The following RASA1 variants were observed in gnomAD, a reference collection of about 807,000 sequenced individuals.
RASA1 encodes the protein ras GTPase-activating protein 1.
Under a neutral mutation model 132.2 loss-of-function variants are expected in RASA1, and 25 were observed. That is an observed-to-expected ratio of 0.19 (90% CI 0.14 to 0.26). The LOEUF is 0.26. Among genes scored for constraint, RASA1 ranks in the 10% least tolerant of loss-of-function variants. The pLI is 1.00. For missense variants in RASA1, 964 were observed against 1,299.2 expected (o/e 0.74, Z 3.97); for synonymous variants, 477 against 449.9 (o/e 1.06, Z -0.76).
chr5:87,340,632 A>G (rs1445913884), intron 5 of RASA1, among the ~76,000 whole-genome samples: 1 of 152,126 alleles, frequency 6.6e-6, no homozygotes, highest in African/African-American at 2.4e-5. Flanking sequence ...ACATAGTAAA[A>G]GGGGGATGTC....
chr5:87,270,121 A>C (rs554363697), intron 1 of RASA1, among the ~76,000 whole-genome samples: 4 of 151,376 alleles, frequency 2.6e-5, no homozygotes, highest in Non-Finnish European at 2.9e-5. Context: ...ACGCGCCTAT[A>C]ATCCTAGCTA....
In RASA1 at chr5:87,389,410, G is replaced by A. The variant is rs761753589; in HGVS notation, c.2943G>A (p.Pro981=). The change falls in exon 24 of 25, where the codon CCG becomes CCA. Residue 981 remains proline, a synonymous_variant. Transcript: ENST00000274376. ...CCTTAAAGAATGTACCTGAACTTCC[G>A]GACACTACAGAGCATTCTAGAACGG... ...LDELGNVPEL[P]DTTEHSRTDL... 8 of 1,614,006 alleles carry A rather than the reference G, an allele frequency of 5.0e-6. No homozygotes were observed. Among genetic ancestry groups the A allele is most frequent in the Admixed American group, 3.3e-5 (2 of 60,008 alleles).
chr5:87,278,150 G>A lies in RASA1; in HGVS notation c.539+9160G>A, dbSNP rs1198585756. 4.6e-5 allele frequency among the ~76,000 whole-genome samples: 7 copies of A among 152,134 alleles called. No individual in the cohort carries two copies. In the South Asian group the frequency reaches 6.2e-4, roughly 13 times the overall value. ...TTAGACACTTGTGTAACGATAGACC[G>A]TATCTCACCTATATTCTTTTCTATC... On this transcript the variant is annotated intron_variant, in intron 1 of 24. Coordinates refer to ENST00000274376, the MANE Select transcript of RASA1 (RefSeq NM_002890.3).
At chr5:87,343,856 A>G (rs987861368) in intron 6 of RASA1, among the ~76,000 whole-genome samples, 6 of 152,188 alleles carry the variant, frequency 3.9e-5, no homozygotes, top group Admixed American at 2.6e-4. Flanking sequence ...AAAATATAGT[A>G]CATATACACA....
At chr5:87,321,002 C>G (rs1350956820) in intron 1 of RASA1, among the ~76,000 whole-genome samples, 2 of 152,130 alleles carry the variant, frequency 1.3e-5, no homozygotes, top group African/African-American at 4.8e-5. Flanking sequence ...TTGTACACTT[C>G]TGAGCTATTA....
At chr5:87,370,434 A>C (rs996858273) in intron 12 of RASA1, among the ~76,000 whole-genome samples, 8 of 152,196 alleles carry the variant, frequency 5.3e-5, no homozygotes, top group Non-Finnish European at 8.8e-5. Flanking sequence ...GTGTGAAGAA[A>C]TAATATTTTT....
intron 1 of RASA1, among the ~76,000 whole-genome samples, chr5:87,300,024 G>A (rs1287896808): frequency 6.6e-6 from 1 of 152,074 alleles, no homozygotes; most frequent in African/African-American, 2.4e-5. Context: ...ATGTGGTGAA[G>A]GGATGACCAA....
At chr5:87,386,140 A>G (rs1762049174) in intron 22 of RASA1, among the ~76,000 whole-genome samples, 1 of 151,940 alleles carries the variant, frequency 6.6e-6, no homozygotes. Flanking sequence ...GATAGGCATA[A>G]TATTTTGTGT....
chr5:87,335,824 A>G (rs1184487805), intron 4 of RASA1, among the ~76,000 whole-genome samples: 1 of 152,226 alleles, frequency 6.6e-6, no homozygotes, highest in East Asian at 1.9e-4. Flanking sequence ...GCATGTTGTT[A>G]CAAAATTATG....
intron 16 of RASA1, 76 bp from the exon 17 acceptor site, chr5:87,376,805 C>G (rs1437453221): frequency 2.8e-6 from 4 of 1,421,382 alleles, no homozygotes; most frequent in African/African-American, 1.4e-5. Context: ...TGTGAAAGAA[C>G]ATATTTCTTG....
chr5:87,269,143 C>A, intron 1 of RASA1, 153 bp downstream of exon 1: 1 of 1,613,074 alleles, frequency 6.2e-7, no homozygotes, highest in South Asian at 1.1e-5. Context: ...TTAATCTGAT[C>A]ACTTATCTTC....
chr5:87,344,992 CTG>C (rs1758749253), intron 6 of RASA1, among the ~76,000 whole-genome samples: 2 of 152,090 alleles, frequency 1.3e-5, no homozygotes, highest in South Asian at 4.1e-4. Context: ...ATACCTATCA[CTG>C]TGCTTATTAT....
rs1385282821 is a variant in RASA1, at chr5:87,374,911, A to G, written c.2006A>G (p.Asp669Gly). The change falls in exon 15 of 25, where the codon GAT becomes GGT. Residue 669 changes from aspartate (D) to glycine (G), a missense_variant. Around this residue, in one of 6 missense-constraint regions of RASA1, gnomAD observed 346 missense variants for 520.1 expected, o/e 0.67. Transcript: ENST00000274376. The part of the protein sequence containing the change: ...SNKTKKSKDP[D>G]ILFMRCQLSR... ...AAAACAAAGAAAAGCAAAGATCCTG[A>G]TATCTGTAAGTTGATACAGAAACTT... The G allele has an allele frequency of 6.8e-6, 11 of 1,606,826 alleles. No homozygotes were observed. The highest frequency in any genetic ancestry group is 9.3e-6 in the Non-Finnish European group (11 of 1,177,466).
At chr5:87,293,281 C>T (rs1754984270) in intron 1 of RASA1, among the ~76,000 whole-genome samples, 1 of 151,524 alleles carries the variant, frequency 6.6e-6, no homozygotes, top group African/African-American at 2.4e-5. Context: ...GAGGAAGTTC[C>T]CTTCTATTCC....
chr5:87,287,345 T>TACCATATATAC (rs1431555665), intron 1 of RASA1, among the ~76,000 whole-genome samples: 1 of 145,896 alleles, frequency 6.9e-6, no homozygotes, highest in Non-Finnish European at 1.5e-5. Flanking sequence ...ACCATATATA[T>TACCATATATAC]ACCATATATA....
chr5:87,330,294 A>C (rs1043872415), intron 1 of RASA1, among the ~76,000 whole-genome samples: 3 of 152,122 alleles, frequency 2.0e-5, no homozygotes, highest in African/African-American at 7.2e-5. Flanking sequence ...TAGTAACATA[A>C]TGCTTTTATC....
At chr5:87,385,533 G>A in intron 22 of RASA1, 144 bp downstream of exon 22, 2 of 694,016 alleles carry the variant, frequency 2.9e-6, no homozygotes, top group Non-Finnish European at 4.9e-6. Flanking sequence ...TGTTTTTAAA[G>A]TAGCTTGTTT....
At chr5:87,308,650 G>T (rs1336175735) in intron 1 of RASA1, among the ~76,000 whole-genome samples, 1 of 152,124 alleles carries the variant, frequency 6.6e-6, no homozygotes, top group East Asian at 1.9e-4. Context: ...TAACACATAA[G>T]TATACGTTTA....
rs2112484603 is a variant in RASA1 at position 87,374,147 on chromosome 5, A to ATAT, written c.1777-15_1777-14insATT. The ATAT allele has an allele frequency of 6.0e-6, 6 of 1,006,708 alleles. No individual in the cohort carries two copies. The highest frequency in any genetic ancestry group is 3.9e-5 in the East Asian group (1 of 25,616). 62.4% of individuals were successfully genotyped at this position (1,006,708 alleles called of 1,614,324 possible). A position where few individuals can be genotyped will look rare whatever the true frequency, so the allele number is the denominator to read the frequency against. ...AATCTGGGGTAATATATATATATAT[A>ATAT]TTTTTTTTTTTTTAGGTCAGCAGCC... On this transcript the variant is annotated splice_polypyrimidine_tract_variant and intron_variant, in intron 13 of 24. Transcript: ENST00000274376.
Sources: allele counts gnomAD v4.1 joint callset (sites outside exome capture counted in the v4.1 genomes callset), GRCh38; gene constraint gnomAD v4.1.1; regional missense constraint gnomAD v4.1.1; transcripts MANE v1.5; gene names NCBI Gene and HGNC (gene_info 2026-07-23, HGNC 2026-07-21).